MSL1: variants seen among roughly 807,000 people sequenced by gnomAD.
The protein encoded by MSL1 is male-specific lethal 1 homolog.
In MSL1, 21 loss-of-function variants were observed where a neutral mutation model predicts 64.6. The observed-to-expected ratio is 0.33, with a 90% CI of 0.23 to 0.47. The LOEUF is 0.47. Among genes scored for constraint, MSL1 ranks in the 20% least tolerant of loss-of-function variants. MSL1 has a pLI of 1.00. For synonymous variants in MSL1, 339 were observed against 329.6 expected (o/e 1.03, Z -0.31); for missense variants, 664 against 793.2 (o/e 0.84, Z 1.96).
chr17:40,135,228 G>GA lies in MSL1; in HGVS notation c.*860dup, dbSNP rs1447686826. On this transcript the variant is annotated 3_prime_UTR_variant, in exon 9 of 9. Coordinates refer to ENST00000398532, the MANE Select transcript of MSL1 (RefSeq NM_001365919.1). Reference sequence around the variant, plus strand: ...GCAGAACTCTTGGTGGTGGGATAGAGACTTAGGGAGGGTAGGGGGAGAGTG... The same window carrying GA: ...GCAGAACTCTTGGTGGTGGGATAGAGAACTTAGGGAGGGTAGGGGGAGAGTG... The GA allele has an allele frequency of 1.3e-5, 2 of 152,318 alleles. No homozygotes were observed. Among genetic ancestry groups the GA allele is most frequent in the Non-Finnish European group, 2.9e-5 (2 of 68,044 alleles). The allele number at this position is 152,318 out of a possible 1,614,324, so 9.4% of individuals were successfully genotyped here. A position where few individuals can be genotyped will look rare whatever the true frequency, so the allele number is the denominator to read the frequency against.
In MSL1 at chr17:40,129,444, C is replaced by A; in HGVS notation, c.1192C>A (p.Pro398Thr). 2 of 1,613,704 alleles carry A rather than the reference C, an allele frequency of 1.2e-6. No homozygotes were observed. Among genetic ancestry groups the A allele is most frequent in the South Asian group, 1.1e-5 (1 of 91,046 alleles). Residue 398 changes from proline (P) to threonine (T), a missense_variant, in exon 3 of 9, where the codon CCA becomes ACA. By Grantham distance (38) the Pro-to-Thr change is conservative (BLOSUM62 -1). Coordinates refer to ENST00000398532, the MANE Select transcript of MSL1 (RefSeq NM_001365919.1). Reference protein sequence around the residue: ...EKPRSSVDTPPRLSTPQKGPS... With the variant: ...EKPRSSVDTPTRLSTPQKGPS... ...GCCCCGGTCTTCAGTGGACACCCCA[C>A]CAAGACTCTCCACTCCCCAAAAGGG... is the stretch of plus-strand genomic sequence containing the variant.
chr17:40,129,225 T>C lies in MSL1; in HGVS notation c.993-20T>C. The C allele has an allele frequency of 6.7e-7, 1 of 1,502,210 alleles. No homozygotes were observed. Among genetic ancestry groups the C allele is most frequent in the Non-Finnish European group, 8.9e-7 (1 of 1,122,786 alleles). 93.1% of individuals were successfully genotyped at this position (1,502,210 alleles called of 1,614,324 possible). On this transcript the variant is annotated intron_variant, in intron 2 of 8. Transcript: ENST00000398532. The stretch of plus-strand genomic sequence containing the variant: ...TCAAGTGTCAATAAATTTTATAATG[T>C]TTTCTTCCCTATCTAATAGGAAATC...
At chr17:40,132,457 G>GT (rs1396733754) in intron 5 of MSL1, among the ~76,000 whole-genome samples, 3 of 152,088 alleles carry the variant, frequency 2.0e-5, no homozygotes, top group African/African-American at 7.2e-5. Flanking sequence ...GGCCAATGTG[G>GT]TGAAACCCCA....
Position 40,129,412 on chromosome 17 carries a change from C to T in MSL1, c.1160C>T (p.Pro387Leu), listed in dbSNP as rs1988393564. ...CGTGAATTGAGGAGCCAAGAAACCCCAGAAAAGCCCCGGTCTTCAGTGGAC... is the reference window on the plus strand; with the variant it reads ...CGTGAATTGAGGAGCCAAGAAACCCTAGAAAAGCCCCGGTCTTCAGTGGAC... ...CKRELRSQET[P>L]EKPRSSVDTP... The change falls in exon 3 of 9, where the codon CCA becomes CTA. Residue 387 changes from proline (P) to leucine (L), a missense_variant. Transcript: ENST00000398532. The T allele has an allele frequency of 1.2e-6, 2 of 1,613,538 alleles. No individual in the cohort carries two copies. Among genetic ancestry groups the T allele is most frequent in the Non-Finnish European group, 1.7e-6 (2 of 1,179,802 alleles).
chr17:40,131,364 C>G lies in MSL1; in HGVS notation c.1376-173C>G. On this transcript the variant is annotated intron_variant, in intron 3 of 8. Coordinates refer to ENST00000398532, the MANE Select transcript of MSL1 (RefSeq NM_001365919.1). This position sits in a 1 kb window ranked among gnomAD's most constrained non-coding sequence, Gnocchi z 4.5. ...AAAAGTGGTGGGCTTATTTTCTTTT[C>G]TTTTGTCTGTTGTTCCCTCTTCCCC... The G allele has an allele frequency of 5.8e-6, 3 of 518,184 alleles. No individual in the cohort carries two copies. Among genetic ancestry groups the G allele is most frequent in the Non-Finnish European group, 1.0e-5 (3 of 288,182 alleles). The allele number at this position is 518,184 out of a possible 1,614,324, so 32.1% of individuals were successfully genotyped here. A position where few individuals can be genotyped will look rare whatever the true frequency, so the allele number is the denominator to read the frequency against.
chr17:40,134,481 T>C lies in MSL1; in HGVS notation c.*112T>C, dbSNP rs1384317561. On this transcript the variant is annotated 3_prime_UTR_variant, in exon 9 of 9. Coordinates refer to ENST00000398532, the MANE Select transcript of MSL1 (RefSeq NM_001365919.1). ...CACATATGTTATCACTCGCTGATAA[T>C]ACCCTTTCATACTTCCTTGACTTTG... 11 of 786,576 alleles carry C rather than the reference T, an allele frequency of 1.4e-5. No homozygotes were observed. The highest frequency in any genetic ancestry group is 2.1e-5 in the Non-Finnish European group (10 of 476,388). 48.7% of individuals were successfully genotyped at this position (786,576 alleles called of 1,614,324 possible).
At chr17:40,124,413 CCT>C (rs1312485410) in intron 1 of MSL1, among the ~76,000 whole-genome samples, 1 of 152,004 alleles carries the variant, frequency 6.6e-6, no homozygotes, top group African/African-American at 2.4e-5. Flanking sequence ...CTCATCTCTC[CCT>C]CTCTCCTCTT....
At position 40,131,350 on chromosome 17, in the gene MSL1, G is replaced by A; in HGVS notation, c.1376-187G>A. On this transcript the variant is annotated intron_variant, in intron 3 of 8. Coordinates refer to ENST00000398532, the MANE Select transcript of MSL1 (RefSeq NM_001365919.1). This position sits in a 1 kb window ranked among gnomAD's most constrained non-coding sequence, Gnocchi z 4.5. ...TCAGTGTAAAAAAAAAAAGTGGTGG[G>A]CTTATTTTCTTTTCTTTTGTCTGTT... 1 of 516,956 alleles carries A rather than the reference G, an allele frequency of 1.9e-6. No homozygotes were observed. 32.0% of individuals were successfully genotyped at this position (516,956 alleles called of 1,614,324 possible). A position where few individuals can be genotyped will look rare whatever the true frequency, so the allele number is the denominator to read the frequency against.
intron 8 of MSL1, 131 bp downstream of exon 8, chr17:40,134,030 C>G (rs957046665): frequency 1.2e-6 from 1 of 808,450 alleles, no homozygotes; most frequent in Non-Finnish European, 2.1e-6. Flanking sequence ...AATGAGGCTA[C>G]CTGGGCAACT....
In MSL1 at chr17:40,136,084, C is replaced by T. The variant is rs1988534235; in HGVS notation, c.*1715C>T. On this transcript the variant is annotated 3_prime_UTR_variant, in exon 9 of 9. Coordinates refer to ENST00000398532, the MANE Select transcript of MSL1 (RefSeq NM_001365919.1). ...TGTGGCAGGCTGTTCAGTTTTCTTA[C>T]TCTTACCTATGTGATATTTCTTCGT... 3 of 152,264 alleles carry T rather than the reference C, an allele frequency of 2.0e-5. No homozygotes were observed. The highest frequency in any genetic ancestry group is 2.0e-4 in the Admixed American group (3 of 15,270). 9.4% of individuals were successfully genotyped at this position (152,264 alleles called of 1,614,324 possible).
chr17:40,124,041 A>G (rs1165145331), intron 1 of MSL1, among the ~76,000 whole-genome samples: 1 of 152,148 alleles, frequency 6.6e-6, no homozygotes. Flanking sequence ...GCATCAGGGG[A>G]AAGTAAGCTT....
Position 40,129,327 on chromosome 17 carries a change from C to A in MSL1, c.1075C>A (p.Pro359Thr). Residue 359 changes from proline (P) to threonine (T), a missense_variant, in exon 3 of 9, where the codon CCT (proline) becomes ACT (threonine). Pro to Thr is a conservative substitution (Grantham distance 38). This residue lies in a region of MSL1 where 466 missense variants were observed against 499.0 expected (regional missense o/e 0.93). Coordinates refer to ENST00000398532, the MANE Select transcript of MSL1 (RefSeq NM_001365919.1). ...PEFSKVKTKT[P>T]KHSPIKEEPC... is the part of the protein sequence containing the mutation. Reference sequence around the variant, plus strand: ...ATTTTCAAAAGTCAAAACAAAAACTCCTAAGCACTCTCCTATTAAAGAGGA... The same window carrying A: ...ATTTTCAAAAGTCAAAACAAAAACTACTAAGCACTCTCCTATTAAAGAGGA... 1 of 1,606,928 alleles carries A rather than the reference C, an allele frequency of 6.2e-7. No homozygotes were observed. Among genetic ancestry groups the A allele is most frequent in the Non-Finnish European group, 8.5e-7 (1 of 1,178,124 alleles).
At chr17:40,133,948 T>G in intron 8 of MSL1, 49 bp downstream of exon 8, 1 of 1,506,572 alleles carries the variant, frequency 6.6e-7, no homozygotes, top group Non-Finnish European at 9.2e-7. Context: ...GCACATCCTT[T>G]TCAGACTTCA....
chr17:40,127,198 T>C (rs1341293707), intron 2 of MSL1, among the ~76,000 whole-genome samples: 2 of 151,708 alleles, frequency 1.3e-5, no homozygotes, highest in African/African-American at 2.4e-5. Context: ...GAGACCTCAT[T>C]TTTACAAAAA....
chr17:40,133,221 C>A, intron 6 of MSL1, 112 bp downstream of exon 6: 1 of 978,636 alleles, frequency 1.0e-6, no homozygotes. Context: ...GAGTGCTTAA[C>A]ACTCTTACAT....
rs181734770 is a variant in MSL1 at position 40,125,699 on chromosome 17, A to G, written c.769-484A>G. 3.5e-3 allele frequency among the ~76,000 whole-genome samples: 534 copies of G among 152,176 alleles called. 3 individuals carry two copies. The highest frequency in any genetic ancestry group is 0.011 in the African/African-American group (449 of 41,512). ...GTGGCGGGCGCCTGAAATACCAGCT[A>G]CTCGGGAGGCTGAGGCAGGGAGGCG... On this transcript the variant is annotated intron_variant, in intron 1 of 8. Transcript: ENST00000398532.
Position 40,122,892 on chromosome 17 carries a change from G to C in MSL1, c.280G>C (p.Glu94Gln). 7.0e-7 allele frequency: 1 copy of C among 1,428,864 alleles called. No homozygotes were observed. The highest frequency in any genetic ancestry group is 9.1e-7 in the Non-Finnish European group (1 of 1,099,738). 88.5% of individuals were successfully genotyped at this position (1,428,864 alleles called of 1,614,324 possible). A position where few individuals can be genotyped will look rare whatever the true frequency, so the allele number is the denominator to read the frequency against. The change falls in exon 1 of 9, where the codon GAG (glutamate) becomes CAG (glutamine). Residue 94 changes from glutamate (E) to glutamine (Q), a missense_variant. This residue lies in a region of MSL1 where 466 missense variants were observed against 499.0 expected (regional missense o/e 0.93). Transcript: ENST00000398532. This position sits in a 1 kb window ranked among gnomAD's most constrained non-coding sequence, Gnocchi z 4.2. Reference sequence around the variant, plus strand: ...CGGGGCGGCCCCCGGGCAGCAGGAAGAGAGCTGGGGCGGTTCGGTGCCCTT... The same window carrying C: ...CGGGGCGGCCCCCGGGCAGCAGGAACAGAGCTGGGGCGGTTCGGTGCCCTT... ...PAGAAPGQQEESWGGSVPLPC... is the reference protein window; with the variant it reads ...PAGAAPGQQEQSWGGSVPLPC...
In MSL1 at chr17:40,131,931, C is replaced by T; in HGVS notation, c.1424-103C>T. ...TTCCTATCACTTGGTAACTTTGTCTCTTCTGGGGAGAGACCTCTTATCCTA... is the reference window on the plus strand; with the variant it reads ...TTCCTATCACTTGGTAACTTTGTCTTTTCTGGGGAGAGACCTCTTATCCTA... On this transcript the variant is annotated intron_variant, in intron 4 of 8. Coordinates refer to ENST00000398532, the MANE Select transcript of MSL1 (RefSeq NM_001365919.1). The surrounding 1 kb of genome is among the most constrained non-coding windows in gnomAD (Gnocchi z 4.5). The T allele has an allele frequency of 3.6e-6, 3 of 832,734 alleles. No individual in the cohort carries two copies. Among genetic ancestry groups the T allele is most frequent in the South Asian group, 3.0e-5 (2 of 65,876 alleles). The allele number at this position is 832,734 out of a possible 1,614,324, so 51.6% of individuals were successfully genotyped here.
At chr17:40,132,506 C>A (rs780244381) in intron 5 of MSL1, among the ~76,000 whole-genome samples, 1 of 151,978 alleles carries the variant, frequency 6.6e-6, no homozygotes. Flanking sequence ...GGCGTGGTGG[C>A]GCACACCTGT....
Sources: gnomAD v4.1 joint callset for allele counts (sites outside exome capture counted in the v4.1 genomes callset) on GRCh38, gnomAD v4.1.1 for gene constraint, gnomAD v4.1.1 regional missense constraint, Gnocchi (gnomAD v3.1) non-coding constraint, MANE v1.5 for transcripts, NCBI Gene and HGNC (gene_info 2026-07-23, HGNC 2026-07-21) for gene names.